NPAS3: variants seen among roughly 807,000 people sequenced by gnomAD.
The protein encoded by NPAS3 is neuronal PAS domain-containing protein 3.
In NPAS3, 14 loss-of-function variants were observed where a neutral mutation model predicts 73.1. The ratio of observed to expected loss-of-function variants is 0.19; its 90% CI spans 0.13 to 0.30. NPAS3 has a LOEUF of 0.30. Among genes scored for constraint, NPAS3 ranks in the 10% least tolerant of loss-of-function variants. The pLI is 1.00. For missense variants in NPAS3, 1,096 were observed against 1,250.0 expected, an observed-to-expected ratio of 0.88 and a Z score of 1.86; for synonymous variants, 620 against 541.5, an observed-to-expected ratio of 1.14 and a Z score of -2.01.
At chr14:33,056,118 A>AAC in intron 2 of NPAS3, 124 bp downstream of exon 2, 1 of 542,502 alleles carries the variant, frequency 1.8e-6, no homozygotes, top group Non-Finnish European at 3.3e-6. Context: ...GGAGAAAAAA[A>AAC]AACAAAAAAA....
At chr14:33,072,088 A>G (rs2041505034) in intron 2 of NPAS3, among the ~76,000 whole-genome samples, 1 of 152,054 alleles carries the variant, frequency 6.6e-6, no homozygotes, top group African/African-American at 2.4e-5. Flanking sequence ...ATGGGGTTTC[A>G]CCAAGTTGGA....
Position 33,093,880 on chromosome 14 carries a change from AATACC to A in NPAS3, c.140+37887_140+37891del, listed in dbSNP as rs150036624. ...AAAGTATCACAAGGAGAACAAACCA[AATACC>A]GTATGTTCTCACTCACAGGTGGGAA... On this transcript the variant is annotated intron_variant, in intron 2 of 11. Transcript: ENST00000356141. 3.5e-3 allele frequency among the ~76,000 whole-genome samples: 539 copies of A among 152,236 alleles called. 4 individuals carry two copies. The highest frequency in any genetic ancestry group is 0.012 in the African/African-American group (519 of 41,548).
In NPAS3 at chr14:33,607,309, G is replaced by C. The variant is rs2057600363; in HGVS notation, c.558+47099G>C. Among the ~76,000 whole-genome samples the C allele has an allele frequency of 2.0e-5, 3 of 151,596 alleles. No homozygotes were observed. The South Asian group carries it at 6.2e-4, about 32-fold the overall frequency. ...GTGAATGTGGTATGTACACAAAATA[G>C]GATACTACTACTCAGCAATAGAAAG... On this transcript the variant is annotated intron_variant, in intron 5 of 11. Transcript: ENST00000356141.
At chr14:33,239,413 T>C (rs1392394164) in intron 3 of NPAS3, among the ~76,000 whole-genome samples, 3 of 151,940 alleles carry the variant, frequency 2.0e-5, no homozygotes, top group Non-Finnish European at 4.4e-5. Context: ...AATCAAATTT[T>C]AGTAGAAGAC....
intron 3 of NPAS3, among the ~76,000 whole-genome samples, chr14:33,280,625 T>C (rs919652922): frequency 2.0e-5 from 3 of 152,164 alleles, no homozygotes; most frequent in African/African-American, 7.2e-5. Context: ...GATGGAAACA[T>C]TTTGAAAGTG....
At chr14:33,586,693 TA>T (rs1394702310) in intron 5 of NPAS3, among the ~76,000 whole-genome samples, 1 of 152,210 alleles carries the variant, frequency 6.6e-6, no homozygotes, top group Non-Finnish European at 1.5e-5. Flanking sequence ...TTGAAAAATA[TA>T]ATTTTCTTTA....
At chr14:33,329,358 A>T (rs778223746) in intron 3 of NPAS3, among the ~76,000 whole-genome samples, 8 of 152,152 alleles carry the variant, frequency 5.3e-5, no homozygotes, top group Non-Finnish European at 8.8e-5. Context: ...TGAAGAAATG[A>T]AGCCTGTGCT....
chr14:33,012,463 T>C (rs2039239228), intron 1 of NPAS3, among the ~76,000 whole-genome samples: 1 of 152,184 alleles, frequency 6.6e-6, no homozygotes, highest in Non-Finnish European at 1.5e-5. Flanking sequence ...TAACTTAGAG[T>C]TTCACTTTTC....
chr14:32,973,178 A>T (rs2037509223), intron 1 of NPAS3, among the ~76,000 whole-genome samples: 1 of 152,232 alleles, frequency 6.6e-6, no homozygotes, highest in East Asian at 1.9e-4. Flanking sequence ...AGAAGACTCT[A>T]CATAAAAGAG....
At chr14:33,582,856 G>C (rs1282689004) in intron 5 of NPAS3, among the ~76,000 whole-genome samples, 2 of 151,690 alleles carry the variant, frequency 1.3e-5, no homozygotes, top group African/African-American at 4.9e-5. Context: ...AGCACACAAA[G>C]AGCATAAAAT....
intron 5 of NPAS3, among the ~76,000 whole-genome samples, chr14:33,598,014 A>G (rs1158110157): frequency 6.6e-6 from 1 of 152,162 alleles, no homozygotes; most frequent in African/African-American, 2.4e-5. Flanking sequence ...TTAAAACAAT[A>G]CCCAATTTAA....
intron 4 of NPAS3, among the ~76,000 whole-genome samples, chr14:33,411,635 C>CTATA (rs796399577): frequency 6.6e-6 from 1 of 152,310 alleles, no homozygotes; most frequent in African/African-American, 2.4e-5. Flanking sequence ...TGAAGAAACT[C>CTATA]TATAGCTCTA....
chr14:32,952,975 G>A (rs2036539998), intron 1 of NPAS3, among the ~76,000 whole-genome samples: 1 of 151,918 alleles, frequency 6.6e-6, no homozygotes, highest in South Asian at 2.1e-4. Flanking sequence ...GGAGGCTGAG[G>A]GAGGAGGATT....
chr14:33,061,516 T>A (rs1288001991), intron 2 of NPAS3, among the ~76,000 whole-genome samples: 1 of 152,216 alleles, frequency 6.6e-6, no homozygotes, highest in African/African-American at 2.4e-5. Context: ...TGGTTTCTGG[T>A]GGTTTCTCCC....
At chr14:33,135,552 A>G (rs1890025529) in intron 2 of NPAS3, among the ~76,000 whole-genome samples, 1 of 152,164 alleles carries the variant, frequency 6.6e-6, no homozygotes, top group Non-Finnish European at 1.5e-5. Flanking sequence ...GAATTCCAAC[A>G]TTTTATAATA....
chr14:33,000,296 T>G (rs1323628631), intron 1 of NPAS3, among the ~76,000 whole-genome samples: 1 of 152,230 alleles, frequency 6.6e-6, no homozygotes, highest in Non-Finnish European at 1.5e-5. Flanking sequence ...TGCCAAAATG[T>G]GATTTACTAG....
intron 2 of NPAS3, among the ~76,000 whole-genome samples, chr14:33,102,598 G>T (rs2042608467): frequency 6.6e-6 from 1 of 152,120 alleles, no homozygotes; most frequent in African/African-American, 2.4e-5. Context: ...TGCCGCCTAG[G>T]AATAAGAGAG....
rs995304347 is a variant in NPAS3 at position 33,515,456 on chromosome 14, C to T, written c.469-44665C>T. ...TAGACCAAGGGTTTATGACCTGTAA[C>T]TCCCACCAGCCAAATCTGGCCTGCT... On this transcript the variant is annotated intron_variant, in intron 4 of 11. Transcript: ENST00000356141. 2.2e-4 allele frequency among the ~76,000 whole-genome samples: 33 copies of T among 152,184 alleles called. No individual in the cohort carries two copies. In the Middle Eastern group the frequency reaches 0.01, roughly 47 times the overall value.
intron 5 of NPAS3, among the ~76,000 whole-genome samples, chr14:33,650,826 C>T (rs2058970731): frequency 6.6e-6 from 1 of 152,190 alleles, no homozygotes; most frequent in South Asian, 2.1e-4. Context: ...GCCTATCTCT[C>T]GTGGTGAGCC....
Sources: gnomAD v4.1 joint callset for allele counts (sites outside exome capture counted in the v4.1 genomes callset) on GRCh38, gnomAD v4.1.1 for gene constraint, MANE v1.5 for transcripts, NCBI Gene and HGNC (gene_info 2026-07-23, HGNC 2026-07-21) for gene names.